HSD17B12: variants seen among roughly 807,000 people sequenced by gnomAD.
The protein encoded by HSD17B12 is very-long-chain 3-oxoacyl-CoA reductase.
HSD17B12 carries 32 observed loss-of-function variants against 39.3 expected under a neutral mutation model. The ratio of observed to expected loss-of-function variants is 0.81; its 90% CI spans 0.61 to 1.09. The LOEUF (loss-of-function observed/expected upper bound fraction) is 1.09, where lower values mean the gene tolerates loss of function less well. Among genes scored for constraint, HSD17B12 ranks in the 50% least tolerant of loss-of-function variants. The pLI is 0.00. For synonymous variants in HSD17B12, 150 were observed against 146.7 expected (o/e 1.02, Z -0.16); for missense variants, 342 against 382.9 (o/e 0.89, Z 0.89).
chr11:43,855,036 TC>T, intron 10 of HSD17B12, 107 bp from the exon 11 acceptor site: 1 of 1,081,290 alleles, frequency 9.2e-7, no homozygotes, highest in South Asian at 1.6e-5. Context: ...AACTTTAAAA[TC>T]TACCTATAAA....
intron 1 of HSD17B12, among the ~76,000 whole-genome samples, chr11:43,712,444 CA>C (rs1441139044): frequency 1.3e-5 from 2 of 151,856 alleles, no homozygotes; most frequent in African/African-American, 4.8e-5. Context: ...AAGAAACAAC[CA>C]AAAAGCTTGG....
chr11:43,660,306 C>A, the HSD17B12 span, among the ~76,000 whole-genome samples: 1 of 152,132 alleles, frequency 6.6e-6, no homozygotes. Context: ...TGCTTCATAT[C>A]TTTTTCTTTG....
At chr11:43,635,388 A>G in the HSD17B12 span, among the ~76,000 whole-genome samples, 2 of 152,258 alleles carry the variant, frequency 1.3e-5, no homozygotes, top group African/African-American at 4.8e-5. Context: ...ATAGAGAATG[A>G]AAATCCCGTG....
the HSD17B12 span, among the ~76,000 whole-genome samples, chr11:43,579,900 C>T: frequency 2.0e-5 from 3 of 152,056 alleles, no homozygotes; most frequent in Non-Finnish European, 4.4e-5. Flanking sequence ...CCCGCCCGCA[C>T]GTCGATTCCA....
At chr11:43,718,310 C>G (rs935762772) in intron 1 of HSD17B12, among the ~76,000 whole-genome samples, 4 of 152,188 alleles carry the variant, frequency 2.6e-5, no homozygotes, top group Non-Finnish European at 5.9e-5. Context: ...CTTCCACGTG[C>G]AGAATATACT....
the HSD17B12 span, among the ~76,000 whole-genome samples, chr11:43,637,106 G>A: frequency 1.3e-5 from 2 of 152,184 alleles, no homozygotes; most frequent in South Asian, 2.1e-4. Context: ...TATTAAATAT[G>A]CAGTGCTTAG....
In HSD17B12 at chr11:43,786,683, A is replaced by G. The variant is rs188929927; in HGVS notation, c.284-11637A>G. On this transcript the variant is annotated intron_variant, in intron 3 of 10. Coordinates refer to ENST00000278353, the MANE Select transcript of HSD17B12 (RefSeq NM_016142.3). ...CTTTCCTGGTTTGAGATTATTTCAA[A>G]ATTTAAAAAACAACATGACCTTTCA... is the stretch of plus-strand genomic sequence containing the variant. 3.7e-3 allele frequency among the ~76,000 whole-genome samples: 561 copies of G among 152,352 alleles called. 14 individuals carry two copies. Among genetic ancestry groups the G allele is most frequent in the Admixed American group, 0.034 (522 of 15,308 alleles).
chr11:43,708,512 T>C (rs1950035861), intron 1 of HSD17B12, among the ~76,000 whole-genome samples: 1 of 152,280 alleles, frequency 6.6e-6, no homozygotes, highest in East Asian at 1.9e-4. Flanking sequence ...TCTAAAATAA[T>C]TATGCAAAAA....
At chr11:43,627,964 T>G in the HSD17B12 span, among the ~76,000 whole-genome samples, 5 of 151,986 alleles carry the variant, frequency 3.3e-5, no homozygotes, top group Admixed American at 2.0e-4. Context: ...ACTTTTTTTT[T>G]AATTGCTAGG....
intron 1 of HSD17B12, among the ~76,000 whole-genome samples, chr11:43,711,474 GT>G (rs199831295): frequency 0.012 from 1,531 of 129,588 alleles, 13 homozygotes; most frequent in African/African-American, 0.038. Context: ...TGGTTGGTTG[GT>G]TTTTTTTTTT....
At chr11:43,637,463 C>T in the HSD17B12 span, among the ~76,000 whole-genome samples, 6 of 152,006 alleles carry the variant, frequency 3.9e-5, no homozygotes, top group Non-Finnish European at 7.4e-5. Flanking sequence ...TCAGGTGATC[C>T]GCAGGCCTTG....
At chr11:43,771,959 G>C (rs1950654693) in intron 3 of HSD17B12, among the ~76,000 whole-genome samples, 1 of 152,148 alleles carries the variant, frequency 6.6e-6, no homozygotes, top group Admixed American at 6.5e-5. Flanking sequence ...AACATTTGAT[G>C]AGACCTGTAA....
chr11:43,810,383 A>G (rs200419397), intron 4 of HSD17B12, among the ~76,000 whole-genome samples: 4 of 40,056 alleles, frequency 1.0e-4, no homozygotes, highest in East Asian at 2.4e-3. Flanking sequence ...ATATATATAT[A>G]TATATATATA....
chr11:43,777,095 T>G (rs1431499796), intron 3 of HSD17B12, among the ~76,000 whole-genome samples: 5 of 152,194 alleles, frequency 3.3e-5, no homozygotes, highest in African/African-American at 1.2e-4. Flanking sequence ...GTGGGCTCTT[T>G]TTTGGTTCCA....
chr11:43,801,595 G>GAGATATATATATATATAT (rs1471934295), intron 4 of HSD17B12, among the ~76,000 whole-genome samples: 2 of 72,796 alleles, frequency 2.7e-5, no homozygotes, highest in African/African-American at 4.6e-5. Context: ...GATAGTTGGA[G>GAGATATATATATATATAT]ATATATATAT....
chr11:43,772,392 G>T (rs1950658705), intron 3 of HSD17B12, among the ~76,000 whole-genome samples: 1 of 152,128 alleles, frequency 6.6e-6, no homozygotes, highest in South Asian at 2.1e-4. Context: ...TAAAAATTTT[G>T]GGGTTTTTTT....
At chr11:43,562,714 C>T in the HSD17B12 span, among the ~76,000 whole-genome samples, 8 of 152,182 alleles carry the variant, frequency 5.3e-5, no homozygotes, top group African/African-American at 1.9e-4. Flanking sequence ...ACCTCTTAGA[C>T]TCTTCCACAT....
chr11:43,769,480 G>A (rs892094060), intron 3 of HSD17B12, among the ~76,000 whole-genome samples: 2 of 152,160 alleles, frequency 1.3e-5, no homozygotes, highest in African/African-American at 4.8e-5. Flanking sequence ...CAGTAAAGCT[G>A]AGCTTCAATT....
chr11:43,709,446 A>G (rs1267788941), intron 1 of HSD17B12, among the ~76,000 whole-genome samples: 2 of 152,226 alleles, frequency 1.3e-5, no homozygotes, highest in African/African-American at 4.8e-5. Context: ...ACTATTATGC[A>G]TAAGTCCTCC....
Sources: allele counts gnomAD v4.1 joint callset (sites outside exome capture counted in the v4.1 genomes callset), GRCh38; gene constraint gnomAD v4.1.1; transcripts MANE v1.5; gene names NCBI Gene and HGNC (gene_info 2026-07-23, HGNC 2026-07-21).